The following PTPRD variants were observed in gnomAD, a reference collection of about 807,000 sequenced individuals.
The protein encoded by PTPRD is receptor-type tyrosine-protein phosphatase delta.
Under a neutral mutation model 214.5 loss-of-function variants are expected in PTPRD, and 34 were observed. That is an observed-to-expected ratio of 0.16 (90% CI 0.12 to 0.21). The LOEUF (loss-of-function observed/expected upper bound fraction) is 0.21, where lower values mean the gene tolerates loss of function less well. PTPRD is among the 10% of genes least tolerant of loss of function. PTPRD has a pLI of 1.00. For missense variants in PTPRD, 2,545 were observed against 2,398.7 expected (o/e 1.06, Z -1.27); for synonymous variants, 1,128 against 845.7 (o/e 1.33, Z -5.79).
intron 35 of PTPRD, among the ~76,000 whole-genome samples, chr9:8,430,694 C>A (rs1332199819): frequency 2.0e-5 from 3 of 152,060 alleles, no homozygotes; most frequent in Non-Finnish European, 4.4e-5. Flanking sequence ...CCAGGTGACG[C>A]CAATGCTGCT....
chr9:10,531,482 TATTA>T (rs1165620621), intron 2 of PTPRD, among the ~76,000 whole-genome samples: 2 of 152,158 alleles, frequency 1.3e-5, no homozygotes, highest in African/African-American at 4.8e-5. Context: ...AATGGTAGCA[TATTA>T]AATAATGAAG....
chr9:9,497,674 A>C (rs1050065807), intron 8 of PTPRD, among the ~76,000 whole-genome samples: 1 of 152,174 alleles, frequency 6.6e-6, no homozygotes, highest in Non-Finnish European at 1.5e-5. Context: ...AAATAGGAAC[A>C]TTATCTCATT....
intron 7 of PTPRD, among the ~76,000 whole-genome samples, chr9:9,704,508 A>G (rs1333225386): frequency 6.6e-6 from 1 of 152,156 alleles, no homozygotes; most frequent in Non-Finnish European, 1.5e-5. Context: ...TAACTCCCCA[A>G]TTCAAAGATT....
intron 2 of PTPRD, among the ~76,000 whole-genome samples, chr9:10,395,043 C>T (rs925645417): frequency 1.3e-5 from 2 of 150,086 alleles, no homozygotes; most frequent in Admixed American, 6.7e-5. Context: ...TCTCCTACCG[C>T]TTGGTAAATG....
Position 8,636,866 on chromosome 9 carries a change from A to G in PTPRD, c.65-22T>C, listed in dbSNP as rs765296341. ...GGTGCTGAAATAAAAAATAAACATC[A>G]CAGTTAAATTGAAAACTGAAATACA... On this transcript the variant is annotated intron_variant, in intron 12 of 45. Transcript: ENST00000381196. 12 of 1,606,688 alleles carry G rather than the reference A, an allele frequency of 7.5e-6. No individual in the cohort carries two copies. In the Admixed American group the frequency reaches 2.0e-4, roughly 27 times the overall value.
chr9:10,144,919 G>A (rs2099012056), intron 3 of PTPRD, among the ~76,000 whole-genome samples: 1 of 151,752 alleles, frequency 6.6e-6, no homozygotes, highest in South Asian at 2.1e-4. Flanking sequence ...CTACAGCATT[G>A]TACTATAACT....
chr9:10,213,510 T>G (rs1469819520), intron 3 of PTPRD, among the ~76,000 whole-genome samples: 1 of 152,120 alleles, frequency 6.6e-6, no homozygotes, highest in East Asian at 1.9e-4. Flanking sequence ...TGGGGAAGTT[T>G]GGATCACACA....
Position 8,747,657 on chromosome 9 carries a change from C to A in PTPRD, c.-103-13711G>T, listed in dbSNP as rs1043613576. ...AGAAGAAATAGAATGAAGGACCTCA[C>A]GAGGACGTAGTTTCCTCCCCTCAGG... On this transcript the variant is annotated intron_variant, in intron 11 of 45. Transcript: ENST00000381196. 3.3e-5 allele frequency among the ~76,000 whole-genome samples: 5 copies of A among 152,146 alleles called. No individual in the cohort carries two copies. In the South Asian group the frequency reaches 1.0e-3, roughly 32 times the overall value.
chr9:9,579,173 T>C (rs914405447), intron 7 of PTPRD, among the ~76,000 whole-genome samples: 6 of 152,240 alleles, frequency 3.9e-5, no homozygotes, highest in Middle Eastern at 6.8e-3. Flanking sequence ...GTCAAGTAAT[T>C]ATATATTTAT....
chr9:10,517,320 A>G (rs2050470832), intron 2 of PTPRD, among the ~76,000 whole-genome samples: 2 of 151,954 alleles, frequency 1.3e-5, no homozygotes, highest in Non-Finnish European at 2.9e-5. Flanking sequence ...TATTTCTTAT[A>G]GGTGCTATGG....
At chr9:9,805,134 T>TGGGGCCAGGCTTTGGGTTC (rs1565398961) in intron 5 of PTPRD, among the ~76,000 whole-genome samples, 19 of 151,862 alleles carry the variant, frequency 1.3e-4, no homozygotes, top group African/African-American at 4.1e-4. Flanking sequence ...GCTTTGGGTT[T>TGGGGCCAGGCTTTGGGTTC]TGGGGCCAGG....
At chr9:8,911,858 G>C (rs1587893881) in intron 11 of PTPRD, among the ~76,000 whole-genome samples, 1 of 152,034 alleles carries the variant, frequency 6.6e-6, no homozygotes, top group Admixed American at 6.6e-5. Context: ...CAAAAGGCTT[G>C]AACAGACATT....
intron 9 of PTPRD, among the ~76,000 whole-genome samples, chr9:9,388,328 T>C (rs1470687616): frequency 6.6e-6 from 1 of 152,078 alleles, no homozygotes; most frequent in Non-Finnish European, 1.5e-5. Context: ...ACTAGGTCTG[T>C]GGGGATGGAG....
intron 11 of PTPRD, among the ~76,000 whole-genome samples, chr9:8,942,866 T>C (rs1245698236): frequency 6.6e-6 from 1 of 152,146 alleles, no homozygotes; most frequent in Non-Finnish European, 1.5e-5. Context: ...GATGGTATTA[T>C]CTTACACTTG....
At chr9:10,256,224 G>A (rs995008335) in intron 3 of PTPRD, among the ~76,000 whole-genome samples, 2 of 152,040 alleles carry the variant, frequency 1.3e-5, no homozygotes, top group Non-Finnish European at 2.9e-5. Context: ...AAAAGGTTGG[G>A]GGCTGCTGGC....
At chr9:10,422,123 T>A (rs969419617) in intron 2 of PTPRD, among the ~76,000 whole-genome samples, 1 of 151,862 alleles carries the variant, frequency 6.6e-6, no homozygotes, top group Admixed American at 6.6e-5. Context: ...TATAGACCAA[T>A]GGAACAGAAC....
intron 3 of PTPRD, among the ~76,000 whole-genome samples, chr9:10,110,474 A>G (rs1026304179): frequency 2.0e-5 from 3 of 152,206 alleles, no homozygotes; most frequent in Non-Finnish European, 4.4e-5. Flanking sequence ...TCCTCTCCCA[A>G]CAACAAACAC....
At chr9:10,093,338 A>T (rs2098451368) in intron 3 of PTPRD, among the ~76,000 whole-genome samples, 1 of 151,676 alleles carries the variant, frequency 6.6e-6, no homozygotes, top group African/African-American at 2.4e-5. Context: ...ACAAACATGA[A>T]AAAAATCCTC....
chr9:9,815,650 T>TTGCTTTTGCCTG (rs2048514531), intron 5 of PTPRD, among the ~76,000 whole-genome samples: 1 of 152,168 alleles, frequency 6.6e-6, no homozygotes, highest in African/African-American at 2.4e-5. Flanking sequence ...TACAGCAAGA[T>TTGCTTTTGCCTG]ACATATAGTG....
Sources: gnomAD v4.1 joint callset for allele counts (sites outside exome capture counted in the v4.1 genomes callset) on GRCh38, gnomAD v4.1.1 for gene constraint, MANE v1.5 for transcripts, NCBI Gene and HGNC (gene_info 2026-07-23, HGNC 2026-07-21) for gene names.